POTEM: variants seen among roughly 807,000 people sequenced by gnomAD.
The protein encoded by POTEM is POTE ankyrin domain family member M, also known as putative POTE ankyrin domain family member M.
For synonymous variants in POTEM, 8 were observed against 113.2 expected (o/e 0.07, Z 5.90); for missense variants, 24 against 343.0 (o/e 0.07, Z 7.35).
chr14:18,981,491 G>A (rs1189889457), intron 6 of POTEM, among the ~76,000 whole-genome samples: 1 of 141,246 alleles, frequency 7.1e-6, no homozygotes, highest in South Asian at 2.3e-4. Context: ...TATTGATTAT[G>A]TGCCAGACAT....
rs1336755205 is a variant in POTEM at position 19,000,411 on chromosome 14, CTAAA to C, written c.*1749_*1752del. Reference sequence around the variant, plus strand: ...AATGCAGAATTTTTTGAATCTTTGCCTAAATACTTTTTAATTTTGTTTTATTTAG... The same window carrying C: ...AATGCAGAATTTTTTGAATCTTTGCCTACTTTTTAATTTTGTTTTATTTAG... On this transcript the variant is annotated 3_prime_UTR_variant, in exon 11 of 11. Coordinates refer to ENST00000547889, the MANE Select transcript of POTEM (RefSeq NM_001145442.1). 6.9e-6 allele frequency among the ~76,000 whole-genome samples: 1 copy of C among 145,560 alleles called. No individual in the cohort carries two copies. Among genetic ancestry groups the C allele is most frequent in the African/African-American group, 2.7e-5 (1 of 37,008 alleles).
chr14:18,969,376 TATACAC>T (rs1211896972), intron 1 of POTEM, among the ~76,000 whole-genome samples: 1 of 128,902 alleles, frequency 7.8e-6, no homozygotes, highest in African/African-American at 3.3e-5. Flanking sequence ...TATATATATA[TATACAC>T]AAAATTTCTT....
Position 18,999,456 on chromosome 14 carries a change from G to A in POTEM, c.*791G>A, listed in dbSNP as rs1268164013. Among the ~76,000 whole-genome samples the A allele has an allele frequency of 9.3e-6, 1 of 107,368 alleles. No homozygotes were observed. The highest frequency in any genetic ancestry group is 3.1e-5 in the African/African-American group (1 of 31,800). 70.4% of individuals were successfully genotyped at this position (107,368 alleles called of 152,430 possible). On this transcript the variant is annotated 3_prime_UTR_variant, in exon 11 of 11. Coordinates refer to ENST00000547889, the MANE Select transcript of POTEM (RefSeq NM_001145442.1). Reference sequence around the variant, plus strand: ...CCTCATGAAGATCCTCACCGAGCGTGGCTATAGTTTCACCACCATGGCCGA... The same window carrying A: ...CCTCATGAAGATCCTCACCGAGCGTAGCTATAGTTTCACCACCATGGCCGA...
chr14:18,986,144 T>C (rs1891177260), intron 7 of POTEM, among the ~76,000 whole-genome samples: 1 of 144,378 alleles, frequency 6.9e-6, no homozygotes, highest in Admixed American at 6.9e-5. Context: ...TTCAGAACTT[T>C]GTTCTTTTAT....
In POTEM at chr14:19,002,956, G is replaced by C. The variant is rs1301166869; in HGVS notation, c.*4291G>C. On this transcript the variant is annotated 3_prime_UTR_variant, in exon 11 of 11. Coordinates refer to ENST00000547889, the MANE Select transcript of POTEM (RefSeq NM_001145442.1). ...CATAATTTCATGTCCAGCAAAATTA[G>C]GCATCATAAGTGAAGGAGAAATAAG... Among the ~76,000 whole-genome samples, 1 of 152,192 alleles carries C rather than the reference G, an allele frequency of 6.6e-6. No individual in the cohort carries two copies.
At chr14:18,985,273 G>A (rs369576035) in intron 6 of POTEM, 138 bp from the exon 7 acceptor site, 46,189 of 144,856 alleles carry the variant, frequency 0.32, 59 homozygotes, top group Middle Eastern at 0.36. Flanking sequence ...GAATTATTTC[G>A]TAAATGACAA....
chr14:18,978,124 T>C (rs1317588116), intron 5 of POTEM: 1 of 167,948 alleles, frequency 6.0e-6, no homozygotes, highest in Non-Finnish European at 1.2e-5. Flanking sequence ...TGCTGCTGCA[T>C]TGTTGCCACT....
Position 18,967,654 on chromosome 14 carries a change from C to G in POTEM, c.169C>G (p.Leu57Val), listed in dbSNP as rs763554455. ...CCACGATGATTCTGCTATGAAGACA[C>G]TCAGGAGCAAGATGGGCAAGTGGTG... ...GDHDDSAMKT[L>V]RSKMGKWCRH... Residue 57 changes from leucine to valine, a missense_variant, in exon 1 of 11, where the codon CTC (leucine) becomes GTC (valine). Transcript: ENST00000547889. 23 of 1,488,888 alleles carry G rather than the reference C, an allele frequency of 1.5e-5. No individual in the cohort carries two copies. The Admixed American group carries it at 4.3e-4, about 28-fold the overall frequency. The allele number at this position is 1,488,888 out of a possible 1,614,324, so 92.2% of individuals were successfully genotyped here.
rs1891407050 is a variant in POTEM, at chr14:19,002,749, G to A, written c.*4084G>A. Reference sequence around the variant, plus strand: ...GAGCTGCAGCAAGGTGGCCCCTACGGCCACGCACCAGCCTGCACATTACCT... The same window carrying A: ...GAGCTGCAGCAAGGTGGCCCCTACGACCACGCACCAGCCTGCACATTACCT... On this transcript the variant is annotated 3_prime_UTR_variant, in exon 11 of 11. Coordinates refer to ENST00000547889, the MANE Select transcript of POTEM (RefSeq NM_001145442.1). 1.3e-5 allele frequency among the ~76,000 whole-genome samples: 2 copies of A among 152,372 alleles called. No homozygotes were observed.
chr14:18,969,383 A>AC (rs1890858160), intron 1 of POTEM, among the ~76,000 whole-genome samples: 1 of 73,592 alleles, frequency 1.4e-5, no homozygotes, highest in African/African-American at 3.6e-5. Context: ...ATATATACAC[A>AC]AAATTTCTTT....
intron 10 of POTEM, 51 bp downstream of exon 10, chr14:18,997,210 CTATG>C: frequency 1.9e-6 from 1 of 518,742 alleles, no homozygotes; most frequent in Non-Finnish European, 3.4e-6. Flanking sequence ...TTTTTAAAAA[CTATG>C]TATTTTGGAT....
rs867183003 is a variant in POTEM, at chr14:18,969,353, A to G, written c.521+1347A>G. Among the ~76,000 whole-genome samples the G allele has an allele frequency of 4.4e-3, 442 of 100,826 alleles. 7 individuals are homozygous for G. Among genetic ancestry groups the G allele is most frequent in the African/African-American group, 0.024 (401 of 16,398 alleles). The allele number at this position is 100,826 out of a possible 152,430, so 66.1% of individuals were successfully genotyped here. Reference sequence around the variant, plus strand: ...TATATACGTATATACATATATATACATGTGTATATATATATATATATATAT... The same window carrying G: ...TATATACGTATATACATATATATACGTGTGTATATATATATATATATATAT... On this transcript the variant is annotated intron_variant, in intron 1 of 10. Coordinates refer to ENST00000547889, the MANE Select transcript of POTEM (RefSeq NM_001145442.1).
intron 7 of POTEM, among the ~76,000 whole-genome samples, chr14:18,985,900 T>G: frequency 1.0e-5 from 1 of 95,482 alleles, no homozygotes; most frequent in Non-Finnish European, 2.0e-5. Flanking sequence ...CAAGACTCTG[T>G]GTCAAAAAAA....
chr14:18,969,315 A>G (rs549924370), intron 1 of POTEM, among the ~76,000 whole-genome samples: 119 of 99,418 alleles, frequency 1.2e-3, no homozygotes, highest in Non-Finnish European at 1.9e-3. Flanking sequence ...ACGTATATAT[A>G]TGTATATATA....
intron 6 of POTEM, among the ~76,000 whole-genome samples, chr14:18,982,921 G>A (rs1423296065): frequency 3.6e-4 from 25 of 69,930 alleles, no homozygotes; most frequent in African/African-American, 1.3e-3. Flanking sequence ...GAGAGGTATC[G>A]TCAATATGAT....
rs1170814655 is a variant in POTEM at position 18,967,729 on chromosome 14, A to C, written c.244A>C (p.Thr82Pro). The C allele has an allele frequency of 1.2e-6, 2 of 1,607,330 alleles. No homozygotes were observed. The highest frequency in any genetic ancestry group is 2.7e-5 in the African/African-American group (2 of 72,816). The change falls in exon 1 of 11, where the codon ACT becomes CCT. Residue 82 changes from threonine (T) to proline (P), a missense_variant. Coordinates refer to ENST00000547889, the MANE Select transcript of POTEM (RefSeq NM_001145442.1). ...CRGSGKSNVGTSGDHDDSAMK... is the reference protein window; with the variant it reads ...CRGSGKSNVGPSGDHDDSAMK... Reference sequence around the variant, plus strand: ...GGGGAGCGGCAAGAGCAACGTGGGCACTTCTGGAGACCACGACGACTCTGC... The same window carrying C: ...GGGGAGCGGCAAGAGCAACGTGGGCCCTTCTGGAGACCACGACGACTCTGC...
At chr14:18,995,889 C>CTTTTCTTT (rs1891287783) in intron 9 of POTEM, among the ~76,000 whole-genome samples, 1 of 131,734 alleles carries the variant, frequency 7.6e-6, no homozygotes. Flanking sequence ...TTTGCAGCCA[C>CTTTTCTTT]TGTAAAAGGG....
rs1490241115 is a variant in POTEM, at chr14:18,996,189, T to C, written c.1410-852T>C. Among the ~76,000 whole-genome samples the C allele has an allele frequency of 5.1e-4, 77 of 151,568 alleles. 1 individual carries two copies. Among genetic ancestry groups the C allele is most frequent in the African/African-American group, 1.6e-3 (67 of 40,986 alleles). Reference sequence around the variant, plus strand: ...TAATATGCATGAAATAAAAGTAAAATGGAAAGTGCTTAACGATGAGTTTAT... The same window carrying C: ...TAATATGCATGAAATAAAAGTAAAACGGAAAGTGCTTAACGATGAGTTTAT... On this transcript the variant is annotated intron_variant, in intron 9 of 10. Transcript: ENST00000547889.
At chr14:18,982,335 T>C (rs1408760828) in intron 6 of POTEM, among the ~76,000 whole-genome samples, 1 of 152,230 alleles carries the variant, frequency 6.6e-6, no homozygotes, top group Non-Finnish European at 1.5e-5. Flanking sequence ...CTGGTTATGG[T>C]GTAAAACGGG....
Sources: gnomAD v4.1 joint callset for allele counts (sites outside exome capture counted in the v4.1 genomes callset) on GRCh38, gnomAD v4.1.1 for gene constraint, MANE v1.5 for transcripts, NCBI Gene and HGNC (gene_info 2026-07-23, HGNC 2026-07-21) for gene names.